Variants in DAAM1 observed in about 807,000 individuals in gnomAD.
DAAM1 encodes the protein dishevelled associated activator of morphogenesis 1, also known as disheveled-associated activator of morphogenesis 1.
A neutral mutation model predicts 130.0 loss-of-function variants in DAAM1; 52 were observed. The ratio of observed to expected loss-of-function variants is 0.40; its 90% confidence interval spans 0.32 to 0.50. DAAM1 has a LOEUF of 0.50. Among genes scored for constraint, DAAM1 ranks in the 20% least tolerant of loss-of-function variants. The pLI is 0.61. For missense variants in DAAM1, 1,134 were observed against 1,303.8 expected (o/e 0.87, Z 2.01); for synonymous variants, 452 against 444.5 (o/e 1.02, Z -0.21).
At chr14:59,278,117 CCT>C (rs1332150263) in intron 2 of DAAM1, among the ~76,000 whole-genome samples, 2 of 152,084 alleles carry the variant, frequency 1.3e-5, no homozygotes, top group Non-Finnish European at 2.9e-5. Context: ...GTGGTCTCCT[CCT>C]CTCTTAAAAT....
rs953485429 is a variant in DAAM1 at position 59,369,250 on chromosome 14, CAAAA to C, written c.*395_*398del. 3.5e-4 allele frequency: 53 copies of C among 150,104 alleles called. No homozygotes were observed. Among genetic ancestry groups the C allele is most frequent in the East Asian group, 1.5e-3 (8 of 5,364 alleles). 9.3% of individuals were successfully genotyped at this position (150,104 alleles called of 1,614,324 possible). On this transcript the variant is annotated 3_prime_UTR_variant, in exon 25 of 25. Transcript: ENST00000360909. ...AAAACAGAAGAAACAAACAAACAAA[CAAAA>C]AAAGCTTGCAAAATATTTTATGGTT...
At chr14:59,337,016 C>T (rs1216522587) in intron 15 of DAAM1, among the ~76,000 whole-genome samples, 1 of 152,106 alleles carries the variant, frequency 6.6e-6, no homozygotes. Context: ...CACTAGAGGT[C>T]AGAAGTCTTA....
chr14:59,296,593 C>T (rs1883962918), intron 3 of DAAM1, among the ~76,000 whole-genome samples: 1 of 152,122 alleles, frequency 6.6e-6, no homozygotes, highest in Admixed American at 6.5e-5. Flanking sequence ...CTCTGGGGCA[C>T]AGAGGAAGGA....
intron 16 of DAAM1, among the ~76,000 whole-genome samples, chr14:59,340,466 G>T (rs1885801382): frequency 6.6e-6 from 1 of 152,056 alleles, no homozygotes; most frequent in African/African-American, 2.4e-5. Flanking sequence ...ACATCGACTT[G>T]ACTTTTATTT....
At chr14:59,355,054 C>G (rs1409429312) in intron 19 of DAAM1, 111 bp from the exon 20 acceptor site, 3 of 1,393,210 alleles carry the variant, frequency 2.2e-6, no homozygotes, top group Admixed American at 4.4e-5. Context: ...AGTCTTACAT[C>G]TTCAATATCT....
chr14:59,214,985 C>G (rs1037439299), intron 1 of DAAM1, among the ~76,000 whole-genome samples: 2 of 152,164 alleles, frequency 1.3e-5, no homozygotes, highest in African/African-American at 2.4e-5. Context: ...TCAGGTTTCT[C>G]CATATCTCAT....
chr14:59,352,545 A>G lies in DAAM1; in HGVS notation c.2180A>G (p.Glu727Gly), dbSNP rs772785927. Residue 727 changes from glutamate to glycine, a missense_variant, in exon 18 of 25, where the codon GAA becomes GGA. Physicochemically the swap from Glu to Gly is moderately conservative, Grantham distance 98. Coordinates refer to ENST00000360909, the MANE Select transcript of DAAM1 (RefSeq NM_001270520.2). Reference sequence around the variant, plus strand: ...TTTCAGCTCTTGAAATTTGTTCCTGAAAAAAGTGACATTGACCTATTGGAG... The same window carrying G: ...TTTCAGCTCTTGAAATTTGTTCCTGGAAAAAGTGACATTGACCTATTGGAG... ...MLEQLLKFVP[E>G]KSDIDLLEEH... 1.9e-6 allele frequency: 3 copies of G among 1,613,014 alleles called. No homozygotes were observed. The highest frequency in any genetic ancestry group is 2.5e-6 in the Non-Finnish European group (3 of 1,179,506).
intron 2 of DAAM1, among the ~76,000 whole-genome samples, chr14:59,281,445 G>T (rs1008258104): frequency 6.6e-6 from 1 of 152,030 alleles, no homozygotes; most frequent in African/African-American, 2.4e-5. Context: ...CCTTGTATCA[G>T]ACCTTACTCT....
intron 1 of DAAM1, among the ~76,000 whole-genome samples, chr14:59,233,042 T>C (rs1292388782): frequency 1.3e-5 from 2 of 152,192 alleles, no homozygotes; most frequent in Admixed American, 6.5e-5. Flanking sequence ...CTATTATTGA[T>C]GGGCATTAGG....
chr14:59,219,193 G>A (rs1888688678), intron 1 of DAAM1, among the ~76,000 whole-genome samples: 2 of 152,142 alleles, frequency 1.3e-5, no homozygotes, highest in Admixed American at 1.3e-4. Context: ...CCAAACTTAA[G>A]CCTGTTCTAC....
chr14:59,331,030 G>C (rs903660643), intron 13 of DAAM1, among the ~76,000 whole-genome samples, 179 bp from the exon 14 acceptor site: 7 of 152,148 alleles, frequency 4.6e-5, no homozygotes, highest in African/African-American at 7.2e-5. Flanking sequence ...ACAAAAGGTT[G>C]ATGCACTGGA....
intron 15 of DAAM1, among the ~76,000 whole-genome samples, 163 bp from the exon 16 acceptor site, chr14:59,339,911 T>G (rs17096126): frequency 0.065 from 9,829 of 152,298 alleles, 413 homozygotes; most frequent in Non-Finnish European, 0.094. Flanking sequence ...CTGTAGCCTT[T>G]GTTTCAATTC....
intron 3 of DAAM1, among the ~76,000 whole-genome samples, chr14:59,301,611 C>T (rs1884174701): frequency 1.3e-5 from 2 of 152,142 alleles, no homozygotes. Context: ...AGTGCAGGTG[C>T]AGAATCAGCA....
intron 16 of DAAM1, among the ~76,000 whole-genome samples, chr14:59,341,204 A>G (rs1190419483): frequency 6.6e-6 from 1 of 152,188 alleles, no homozygotes; most frequent in African/African-American, 2.4e-5. Flanking sequence ...TTGTAATGCA[A>G]CTAGTAAGGT....
At chr14:59,365,031 C>T (rs1006949175) in intron 23 of DAAM1, among the ~76,000 whole-genome samples, 3 of 152,206 alleles carry the variant, frequency 2.0e-5, no homozygotes, top group Non-Finnish European at 2.9e-5. Flanking sequence ...GCACCTACTT[C>T]ATCAAGGGGC....
chr14:59,282,254 G>C (rs1883255111), intron 2 of DAAM1, among the ~76,000 whole-genome samples: 1 of 152,080 alleles, frequency 6.6e-6, no homozygotes, highest in South Asian at 2.1e-4. Context: ...TCTTGAGTTA[G>C]TGTGACTATT....
intron 1 of DAAM1, among the ~76,000 whole-genome samples, chr14:59,228,651 A>G (rs1200940742): frequency 6.6e-6 from 1 of 152,084 alleles, no homozygotes; most frequent in Non-Finnish European, 1.5e-5. Context: ...AGGGCCAGAG[A>G]GTCGTATTTG....
Position 59,368,953 on chromosome 14 carries a change from C to A in DAAM1, c.*94C>A. 8.8e-7 allele frequency: 1 copy of A among 1,134,512 alleles called. No individual in the cohort carries two copies. The highest frequency in any genetic ancestry group is 1.2e-6 in the Non-Finnish European group (1 of 804,694). The allele number at this position is 1,134,512 out of a possible 1,614,324, so 70.3% of individuals were successfully genotyped here. ...CACTGCCTTGCAATCCAAACAGTGG[C>A]AATTTTTTCCTTCATCTGTGAGTGA... On this transcript the variant is annotated 3_prime_UTR_variant, in exon 25 of 25. Transcript: ENST00000360909.
Position 59,353,898 on chromosome 14 carries a change from T to C in DAAM1, c.2290T>C (p.Leu764=), listed in dbSNP as rs1886375798. Residue 764 remains leucine (L), a synonymous_variant, in exon 19 of 25, where the codon TTG becomes CTG. Coordinates refer to ENST00000360909, the MANE Select transcript of DAAM1 (RefSeq NM_001270520.2). ...CAGAATTAATCACTATCAGCAAAGG[T>C]TGCAATCGCTGTACTTCAAAAAGAA... ...MSRINHYQQR[L]QSLYFKKKFA... is the part of the protein sequence containing the mutation. 1.9e-6 allele frequency: 3 copies of C among 1,614,078 alleles called. No individual in the cohort carries two copies. Among genetic ancestry groups the C allele is most frequent in the Non-Finnish European group, 1.7e-6 (2 of 1,179,962 alleles).
Sources: allele counts gnomAD v4.1 joint callset (sites outside exome capture counted in the v4.1 genomes callset), GRCh38; gene constraint gnomAD v4.1.1; transcripts MANE v1.5; gene names NCBI Gene and HGNC (gene_info 2026-07-23, HGNC 2026-07-21).